MYL9: variants seen among roughly 807,000 people sequenced by gnomAD.
MYL9 encodes the protein myosin light chain 9, also known as myosin regulatory light polypeptide 9.
MYL9 carries 7 observed loss-of-function variants against 12.8 expected under a neutral mutation model. The observed-to-expected ratio is 0.55, with a 90% CI of 0.31 to 1.03. The LOEUF (loss-of-function observed/expected upper bound fraction) is 1.03. Ranked by LOEUF, MYL9 falls within the 50% of genes least tolerant of loss-of-function variation. The pLI is 0.05. For synonymous variants in MYL9, 81 were observed against 87.8 expected, an observed-to-expected ratio of 0.92 and a Z score of 0.43; for missense variants, 190 against 242.7, an observed-to-expected ratio of 0.78 and a Z score of 1.44.
chr20:36,542,186 T>G (rs1414756530), intron 1 of MYL9, among the ~76,000 whole-genome samples: 1 of 152,092 alleles, frequency 6.6e-6, no homozygotes, highest in Admixed American at 6.5e-5. Flanking sequence ...CCTGATGGAC[T>G]CACCCCTAGG....
rs765334367 is a variant in MYL9 at position 36,549,057 on chromosome 20, C to A, written c.347-20C>A. 6.2e-7 allele frequency: 1 copy of A among 1,608,336 alleles called. No homozygotes were observed. Among genetic ancestry groups the A allele is most frequent in the South Asian group, 1.1e-5 (1 of 90,526 alleles). On this transcript the variant is annotated intron_variant, in intron 3 of 3. Transcript: ENST00000279022. ...CTCAGCCCAAGTTCCTGCTCTCACC[C>A]ACCCTGCCCCTGCCCGCAGGTTTCA...
At position 36,549,434 on chromosome 20, in the gene MYL9, A is replaced by G. The variant is rs2038144548; in HGVS notation, c.*185A>G. 2 of 602,474 alleles carry G rather than the reference A, an allele frequency of 3.3e-6. No individual in the cohort carries two copies. Among genetic ancestry groups the G allele is most frequent in the East Asian group, 2.8e-5 (1 of 35,276 alleles). 37.3% of individuals were successfully genotyped at this position (602,474 alleles called of 1,614,324 possible). A position where few individuals can be genotyped will look rare whatever the true frequency, so the allele number is the denominator to read the frequency against. On this transcript the variant is annotated 3_prime_UTR_variant, in exon 4 of 4. Coordinates refer to ENST00000279022, the MANE Select transcript of MYL9 (RefSeq NM_006097.5). ...GCCGAGCTGAGGCAGATGTTCCCAC[A>G]GTGACCCCAGAGCCCTGGGCTATAG...
At position 36,544,876 on chromosome 20, in the gene MYL9, G is replaced by A. The variant is rs1273924211; in HGVS notation, c.-9G>A. ...TCCTGCAGGGAAGCCCCACCCACCAGAAGCCAAGATGTCCAGCAAGCGGGC... is the reference window on the plus strand; with the variant it reads ...TCCTGCAGGGAAGCCCCACCCACCAAAAGCCAAGATGTCCAGCAAGCGGGC... On this transcript the variant is annotated 5_prime_UTR_variant, in exon 2 of 4. Coordinates refer to ENST00000279022, the MANE Select transcript of MYL9 (RefSeq NM_006097.5). The A allele has an allele frequency of 1.1e-5, 16 of 1,517,206 alleles. No individual in the cohort carries two copies. Among genetic ancestry groups the A allele is most frequent in the Non-Finnish European group, 1.3e-5 (14 of 1,119,888 alleles). 94.0% of individuals were successfully genotyped at this position (1,517,206 alleles called of 1,614,324 possible). A position where few individuals can be genotyped will look rare whatever the true frequency, so the allele number is the denominator to read the frequency against.
At chr20:36,547,864 G>A (rs16986188) in intron 2 of MYL9, among the ~76,000 whole-genome samples, 168 bp from the exon 3 acceptor site, 11,269 of 152,200 alleles carry the variant, frequency 0.074, 526 homozygotes, top group Admixed American at 0.13. Context: ...GACTCCGGGC[G>A]CCCACTGCTG....
At chr20:36,545,737 T>G (rs1046970325) in intron 2 of MYL9, among the ~76,000 whole-genome samples, 3 of 151,960 alleles carry the variant, frequency 2.0e-5, no homozygotes, top group Non-Finnish European at 4.4e-5. Context: ...GAGATCATCC[T>G]GGCTAACATG....
At position 36,544,898 on chromosome 20, in the gene MYL9, G is replaced by A. The variant is rs778754723; in HGVS notation, c.14G>A (p.Arg5Gln). 4 of 1,597,470 alleles carry A rather than the reference G, an allele frequency of 2.5e-6. No individual in the cohort carries two copies. The highest frequency in any genetic ancestry group is 2.3e-5 in the East Asian group (1 of 44,068). ...CCAGAAGCCAAGATGTCCAGCAAGC[G>A]GGCCAAAGCCAAGACCACCAAGAAG... Reference protein sequence around the residue: MSSKRAKAKTTKKRP... With the variant: MSSKQAKAKTTKKRP... Residue 5 changes from arginine to glutamine, a missense_variant, in exon 2 of 4, where the codon CGG (arginine) becomes CAG (glutamine). Coordinates refer to ENST00000279022, the MANE Select transcript of MYL9 (RefSeq NM_006097.5).
rs2038156469 is a variant in MYL9 at position 36,550,548 on chromosome 20, C to CAGGGGTGGGCCA, written c.*1299_*1300insAGGGGTGGGCCA. ...ACCCCACCTGACCCCAGCGAGTGGA[C>CAGGGGTGGGCCA]CCAGCTTGGTCCTGAGGCCTTCTCC... On this transcript the variant is annotated 3_prime_UTR_variant, in exon 4 of 4. Transcript: ENST00000279022. 1 of 152,950 alleles carries CAGGGGTGGGCCA rather than the reference C, an allele frequency of 6.5e-6. No homozygotes were observed. Among genetic ancestry groups the CAGGGGTGGGCCA allele is most frequent in the Non-Finnish European group, 1.5e-5 (1 of 68,752 alleles). The allele number at this position is 152,950 out of a possible 1,614,324, so 9.5% of individuals were successfully genotyped here.
intron 3 of MYL9, among the ~76,000 whole-genome samples, 188 bp downstream of exon 3, chr20:36,548,381 C>CA (rs2038128139): frequency 1.3e-5 from 2 of 152,236 alleles, no homozygotes; most frequent in Non-Finnish European, 2.9e-5. Flanking sequence ...TGCCCCAAGA[C>CA]TCCTGCCTTC....
intron 1 of MYL9, among the ~76,000 whole-genome samples, chr20:36,542,546 G>T (rs1178144654): frequency 1.3e-5 from 2 of 152,036 alleles, no homozygotes; most frequent in Middle Eastern, 3.4e-3. Context: ...GTTCTAGAAG[G>T]CGCCTCTGGA....
In MYL9 at chr20:36,550,425, G is replaced by A. The variant is rs2038155173; in HGVS notation, c.*1176G>A. On this transcript the variant is annotated 3_prime_UTR_variant, in exon 4 of 4. Transcript: ENST00000279022. ...TGATGGCAGTGCCTGGGGCCTAAGA[G>A]GGGCAGAAAGAGCGCTGAATGACTG... The A allele has an allele frequency of 6.5e-6, 1 of 152,868 alleles. No homozygotes were observed. Among genetic ancestry groups the A allele is most frequent in the Non-Finnish European group, 1.5e-5 (1 of 68,672 alleles). The allele number at this position is 152,868 out of a possible 1,614,324, so 9.5% of individuals were successfully genotyped here. A position where few individuals can be genotyped will look rare whatever the true frequency, so the allele number is the denominator to read the frequency against.
At chr20:36,547,805 C>T (rs1021531253) in intron 2 of MYL9, among the ~76,000 whole-genome samples, 1 of 152,188 alleles carries the variant, frequency 6.6e-6, no homozygotes, top group Non-Finnish European at 1.5e-5. Context: ...TGAGCACTGC[C>T]GGCTGCTGAC....
Position 36,548,065 on chromosome 20 carries a change from T to TGATGAGC in MYL9, c.221_227dup (p.Glu76AspfsTer47). The stretch of plus-strand genomic sequence containing the variant: ...CCCACAGACGAATACCTGGAGGGCA[T>TGATGAGC]GATGAGCGAGGCCCCGGGGCCCATC... On this transcript the variant is annotated frameshift_variant, in exon 3 of 4. Transcript: ENST00000279022. LOFTEE classifies it high-confidence loss of function. The TGATGAGC allele has an allele frequency of 6.2e-7, 1 of 1,613,288 alleles. No individual in the cohort carries two copies. Among genetic ancestry groups the TGATGAGC allele is most frequent in the Non-Finnish European group, 8.5e-7 (1 of 1,179,544 alleles).
chr20:36,548,835 TC>T (rs1271155129), intron 3 of MYL9, among the ~76,000 whole-genome samples: 1 of 152,052 alleles, frequency 6.6e-6, no homozygotes, highest in Admixed American at 6.6e-5. Flanking sequence ...TCGGAGACAG[TC>T]CCACTGCACA....
chr20:36,542,773 C>G (rs2038052467), intron 1 of MYL9, among the ~76,000 whole-genome samples: 1 of 152,256 alleles, frequency 6.6e-6, no homozygotes, highest in South Asian at 2.1e-4. Context: ...GGGGGCACCC[C>G]TGCCTCCGCT....
rs529494337 is a variant in MYL9, at chr20:36,549,228, C to T, written c.498C>T (p.Gly166=). The T allele has an allele frequency of 2.4e-5, 39 of 1,613,530 alleles. No homozygotes were observed. The highest frequency in any genetic ancestry group is 3.3e-5 in the South Asian group (3 of 91,050). ...AGTTCACCCGCATCCTCAAACATGG[C>T]GCCAAGGATAAAGACGACTAGGCCA... ...YVEFTRILKH[G]AKDKDD is the part of the protein sequence containing the mutation. Residue 166 remains glycine (G), a synonymous_variant, in exon 4 of 4, where the codon GGC becomes GGT. Transcript: ENST00000279022.
intron 3 of MYL9, 53 bp downstream of exon 3, chr20:36,548,246 C>A (rs1455987539): frequency 4.5e-6 from 7 of 1,544,862 alleles, no homozygotes; most frequent in Non-Finnish European, 6.1e-6. Flanking sequence ...AGGGCCCAGG[C>A]ATTCAGTGCC....
At chr20:36,547,995 C>G in intron 2 of MYL9, 37 bp from the exon 3 acceptor site, 1 of 1,570,122 alleles carries the variant, frequency 6.4e-7, no homozygotes, top group Non-Finnish European at 8.7e-7. Context: ...GGACAGAGGG[C>G]CCAGGACCAC....
intron 2 of MYL9, 88 bp downstream of exon 2, chr20:36,545,156 G>T (rs755771787): frequency 2.8e-6 from 4 of 1,419,284 alleles, no homozygotes; most frequent in Non-Finnish European, 3.9e-6. Flanking sequence ...GTAGTGAGAC[G>T]CGTGGTGTCC....
intron 2 of MYL9, among the ~76,000 whole-genome samples, chr20:36,545,496 CAAA>C (rs577748904): frequency 2.7e-5 from 2 of 75,342 alleles, no homozygotes; most frequent in Admixed American, 1.6e-4. Context: ...GACTCCATCT[CAAA>C]AAAAAAAAAA....
Sources: allele counts gnomAD v4.1 joint callset (sites outside exome capture counted in the v4.1 genomes callset), GRCh38; gene constraint gnomAD v4.1.1; transcripts MANE v1.5; gene names NCBI Gene and HGNC (gene_info 2026-07-23, HGNC 2026-07-21).